Variants in CNTN3 observed in about 807,000 individuals in gnomAD.
CNTN3 encodes the protein contactin 3.
In CNTN3, 60 loss-of-function variants were observed where a neutral mutation model predicts 119.1. The observed-to-expected ratio is 0.50, with a 90% CI of 0.41 to 0.62. The LOEUF (loss-of-function observed/expected upper bound fraction) is 0.62, where lower values mean the gene tolerates loss of function less well. CNTN3 is among the 20% of genes least tolerant of loss of function. The pLI is 0.00. For synonymous variants in CNTN3, 450 were observed against 438.7 expected (o/e 1.03, Z -0.32); for missense variants, 1,101 against 1,242.4 (o/e 0.89, Z 1.71).
chr3:74,599,542 G>C (rs1245423892), intron 1 of CNTN3, among the ~76,000 whole-genome samples: 3 of 152,062 alleles, frequency 2.0e-5, no homozygotes, highest in African/African-American at 7.2e-5. Context: ...TAAGGAGCAT[G>C]CCACATGTAG....
At chr3:74,355,100 T>A (rs1419688894) in intron 11 of CNTN3, among the ~76,000 whole-genome samples, 1 of 152,082 alleles carries the variant, frequency 6.6e-6, no homozygotes, top group Non-Finnish European at 1.5e-5. Flanking sequence ...TTTCAGTAGG[T>A]ACTTCAAACT....
At chr3:74,460,800 T>C (rs1406610745) in intron 4 of CNTN3, among the ~76,000 whole-genome samples, 4 of 100,114 alleles carry the variant, frequency 4.0e-5, no homozygotes, top group African/African-American at 7.6e-5. Context: ...TATATATATA[T>C]ATATATATAT....
At chr3:74,379,169 T>C (rs1704551105) in intron 5 of CNTN3, among the ~76,000 whole-genome samples, 3 of 152,172 alleles carry the variant, frequency 2.0e-5, no homozygotes, top group Admixed American at 1.3e-4. Context: ...CTTTTGTTTT[T>C]CTTTGAGACA....
chr3:74,276,345 C>G (rs867628755), intron 20 of CNTN3, among the ~76,000 whole-genome samples: 12 of 152,172 alleles, frequency 7.9e-5, no homozygotes, highest in Middle Eastern at 6.8e-3. Flanking sequence ...ACATTCTATT[C>G]AACAGTGAAG....
At chr3:74,553,131 T>C (rs1704017915) in intron 1 of CNTN3, among the ~76,000 whole-genome samples, 1 of 131,292 alleles carries the variant, frequency 7.6e-6, no homozygotes, top group Non-Finnish European at 1.6e-5. Flanking sequence ...TTCCCCTCCA[T>C]GCATCCACAT....
intron 11 of CNTN3, among the ~76,000 whole-genome samples, chr3:74,359,105 G>C (rs1704017885): frequency 6.6e-6 from 1 of 152,142 alleles, no homozygotes; most frequent in Admixed American, 6.5e-5. Context: ...CAGTGGTTTT[G>C]GTTCATGAGT....
intron 2 of CNTN3, among the ~76,000 whole-genome samples, chr3:74,501,244 G>T (rs1197079562): frequency 6.6e-6 from 1 of 151,912 alleles, no homozygotes; most frequent in East Asian, 1.9e-4. Flanking sequence ...GGGTCACGTG[G>T]TATCAAATGA....
rs1007060546 is a variant in CNTN3, at chr3:74,335,038, C to A, written c.1493-128G>T. ...TGCATATACATAAATATACATACAT[C>A]TATATAATTAAAAGTATTCAACATT... On this transcript the variant is annotated intron_variant, in intron 12 of 22. Coordinates refer to ENST00000263665, the MANE Select transcript of CNTN3 (RefSeq NM_020872.3). 4 of 534,336 alleles carry A rather than the reference C, an allele frequency of 7.5e-6. No homozygotes were observed. The African/African-American group carries it at 7.7e-5, about 10-fold the overall frequency. 33.1% of individuals were successfully genotyped at this position (534,336 alleles called of 1,614,324 possible). A position where few individuals can be genotyped will look rare whatever the true frequency, so the allele number is the denominator to read the frequency against.
At chr3:74,307,395 GA>G (rs1423090602) in intron 13 of CNTN3, among the ~76,000 whole-genome samples, 4 of 152,020 alleles carry the variant, frequency 2.6e-5, no homozygotes, top group South Asian at 2.1e-4. Flanking sequence ...TTTGTCTTAG[GA>G]AAAAACAAAT....
chr3:74,575,305 G>A (rs886894143), intron 1 of CNTN3, among the ~76,000 whole-genome samples: 10 of 152,066 alleles, frequency 6.6e-5, no homozygotes, highest in Non-Finnish European at 4.4e-5. Context: ...AGGCTGGAGT[G>A]CACTGGCGTG....
intron 19 of CNTN3, 40 bp downstream of exon 19, chr3:74,295,081 C>T (rs558784444): frequency 2.7e-5 from 36 of 1,326,108 alleles, no homozygotes; most frequent in East Asian, 9.3e-5. Context: ...CAAAGTGGCA[C>T]GGTAACACAC....
intron 4 of CNTN3, among the ~76,000 whole-genome samples, chr3:74,434,211 A>G (rs574707461): frequency 1.3e-5 from 2 of 152,334 alleles, no homozygotes; most frequent in African/African-American, 4.8e-5. Context: ...CACACATTCT[A>G]TTTGTAAAGT....
intron 5 of CNTN3, among the ~76,000 whole-genome samples, chr3:74,415,247 G>T (rs557200837): frequency 5.9e-5 from 9 of 152,130 alleles, no homozygotes; most frequent in Non-Finnish European, 1.3e-4. Context: ...GAAGTGTGAA[G>T]CCATGCTGCT....
chr3:74,603,968 C>T (rs879542782), intron 1 of CNTN3, among the ~76,000 whole-genome samples: 35 of 152,018 alleles, frequency 2.3e-4, no homozygotes, highest in South Asian at 4.1e-4. Flanking sequence ...CAAAACAGAA[C>T]GCATATCCCA....
intron 4 of CNTN3, among the ~76,000 whole-genome samples, chr3:74,470,130 C>T (rs185756191): frequency 1.7e-3 from 264 of 152,122 alleles, no homozygotes; most frequent in African/African-American, 6.1e-3. Context: ...CCAGAATAGG[C>T]AAACCCATAA....
At chr3:74,267,443 G>T in intron 20 of CNTN3, 65 bp from the exon 21 acceptor site, 1 of 1,126,210 alleles carries the variant, frequency 8.9e-7, no homozygotes, top group Non-Finnish European at 1.4e-6. Flanking sequence ...ACACGGAGGA[G>T]ATGGCGGCTA....
chr3:74,568,633 T>C (rs2106645528), intron 1 of CNTN3, among the ~76,000 whole-genome samples: 1 of 152,302 alleles, frequency 6.6e-6, no homozygotes, highest in African/African-American at 2.4e-5. Flanking sequence ...TGCCTATAAG[T>C]GGTAGATGTA....
At chr3:74,342,118 T>C (rs1703562616) in intron 11 of CNTN3, among the ~76,000 whole-genome samples, 1 of 152,072 alleles carries the variant, frequency 6.6e-6, no homozygotes, top group Non-Finnish European at 1.5e-5. Flanking sequence ...TATTACAGGA[T>C]AAATAATGAC....
intron 1 of CNTN3, among the ~76,000 whole-genome samples, chr3:74,592,427 A>T (rs1446545745): frequency 6.6e-6 from 1 of 151,864 alleles, no homozygotes; most frequent in Admixed American, 6.6e-5. Flanking sequence ...TGTTAAAAAA[A>T]ATACGCTTAC....
Sources: gnomAD v4.1 joint callset for allele counts (sites outside exome capture counted in the v4.1 genomes callset) on GRCh38, gnomAD v4.1.1 for gene constraint, MANE v1.5 for transcripts, NCBI Gene and HGNC (gene_info 2026-07-23, HGNC 2026-07-21) for gene names.